SLC16A7: variants seen among roughly 807,000 people sequenced by gnomAD.
The protein encoded by SLC16A7 is solute carrier family 16 member 7, also known as monocarboxylate transporter 2.
In SLC16A7, 33 loss-of-function variants were observed where a neutral mutation model predicts 34.9. That is an observed-to-expected ratio of 0.94 (90% CI 0.72 to 1.26). SLC16A7 has a LOEUF of 1.26. Among genes scored for constraint, SLC16A7 ranks in the 50% most tolerant of loss-of-function variants. The pLI, the probability that SLC16A7 is intolerant of heterozygous loss-of-function variation, is 0.00. For missense variants in SLC16A7, 573 were observed against 578.1 expected (o/e 0.99, Z 0.09); for synonymous variants, 201 against 206.6 (o/e 0.97, Z 0.23).
intron 3 of SLC16A7, among the ~76,000 whole-genome samples, chr12:59,737,817 C>A (rs10877332): frequency 0.15 from 22,712 of 152,006 alleles, 1,999 homozygotes; most frequent in Non-Finnish European, 0.19. Context: ...TTTATCCTGT[C>A]AACTCTTATA....
chr12:59,719,421 C>T (rs1251675227), intron 3 of SLC16A7, among the ~76,000 whole-genome samples: 1 of 151,618 alleles, frequency 6.6e-6, no homozygotes, highest in Non-Finnish European at 1.5e-5. Flanking sequence ...AAAAATGGGG[C>T]CCAAGAGAAG....
chr12:59,755,622 G>T (rs1394777640), intron 3 of SLC16A7, among the ~76,000 whole-genome samples: 1 of 152,130 alleles, frequency 6.6e-6, no homozygotes, highest in Non-Finnish European at 1.5e-5. Context: ...CAAAGAAATG[G>T]AAGAACATTC....
chr12:59,614,529 A>G (rs1012310162), intron 1 of SLC16A7, among the ~76,000 whole-genome samples: 52 of 152,188 alleles, frequency 3.4e-4, no homozygotes, highest in African/African-American at 1.3e-3. Flanking sequence ...GAAAAATTAT[A>G]TATTCTTTGC....
chr12:59,676,122 T>C (rs1000245426), intron 2 of SLC16A7, among the ~76,000 whole-genome samples: 1 of 152,146 alleles, frequency 6.6e-6, no homozygotes, highest in Non-Finnish European at 1.5e-5. Flanking sequence ...GCTCCTGAAA[T>C]GATTAAGTCT....
At chr12:59,755,446 T>A (rs879670003) in intron 3 of SLC16A7, among the ~76,000 whole-genome samples, 2 of 152,164 alleles carry the variant, frequency 1.3e-5, no homozygotes, top group Admixed American at 6.5e-5. Context: ...TCACAAGCAT[T>A]CTTATATACC....
chr12:59,748,264 C>T (rs76385438), intron 3 of SLC16A7, among the ~76,000 whole-genome samples: 102 of 152,256 alleles, frequency 6.7e-4, no homozygotes, highest in Admixed American at 2.2e-3. Flanking sequence ...CCCTTACAGA[C>T]GCTACAGGCC....
intron 3 of SLC16A7, among the ~76,000 whole-genome samples, chr12:59,737,566 G>T (rs1877743989): frequency 6.6e-6 from 1 of 152,128 alleles, no homozygotes; most frequent in Non-Finnish European, 1.5e-5. Context: ...GCAATAAAAA[G>T]GGAGCTGACT....
chr12:59,641,531 A>T (rs1339109782), intron 1 of SLC16A7, among the ~76,000 whole-genome samples: 4 of 150,368 alleles, frequency 2.7e-5, no homozygotes, highest in African/African-American at 9.8e-5. Flanking sequence ...AATATATATG[A>T]TAATTGTGCA....
chr12:59,616,250 C>T (rs1240786738), intron 1 of SLC16A7, among the ~76,000 whole-genome samples: 1 of 152,100 alleles, frequency 6.6e-6, no homozygotes, highest in African/African-American at 2.4e-5. Flanking sequence ...GGGAAGCACC[C>T]TGACAGTACC....
intron 2 of SLC16A7, among the ~76,000 whole-genome samples, chr12:59,699,975 G>A (rs1872701768): frequency 1.3e-5 from 2 of 151,146 alleles, no homozygotes; most frequent in South Asian, 4.1e-4. Context: ...GTTTAAAATG[G>A]TCCCTAAGAG....
chr12:59,637,895 G>C (rs1880504972), intron 1 of SLC16A7, among the ~76,000 whole-genome samples: 1 of 152,058 alleles, frequency 6.6e-6, no homozygotes, highest in Non-Finnish European at 1.5e-5. Flanking sequence ...GTTCCCTCTT[G>C]CTCTTTCATG....
At chr12:59,732,711 T>C (rs1314885144) in intron 3 of SLC16A7, among the ~76,000 whole-genome samples, 2 of 152,212 alleles carry the variant, frequency 1.3e-5, no homozygotes, top group African/African-American at 4.8e-5. Context: ...AGAGTTGAAC[T>C]GACATTCCAT....
chr12:59,645,127 A>G (rs1436770935), intron 1 of SLC16A7, among the ~76,000 whole-genome samples: 1 of 152,150 alleles, frequency 6.6e-6, no homozygotes, highest in African/African-American at 2.4e-5. Flanking sequence ...GTCTTGAGGA[A>G]TAAATAGGAG....
intron 3 of SLC16A7, among the ~76,000 whole-genome samples, chr12:59,726,661 A>G (rs1876278628): frequency 6.6e-6 from 1 of 152,164 alleles, no homozygotes; most frequent in Admixed American, 6.6e-5. Flanking sequence ...TACAGAACCA[A>G]GGACCAGGAG....
chr12:59,726,721 G>A (rs1289615953), intron 3 of SLC16A7, among the ~76,000 whole-genome samples: 1 of 152,062 alleles, frequency 6.6e-6, no homozygotes, highest in Non-Finnish European at 1.5e-5. Context: ...AGAGATGCTG[G>A]CTGTGGTGTT....
At chr12:59,729,570 T>C (rs1166913117) in intron 3 of SLC16A7, among the ~76,000 whole-genome samples, 1 of 152,146 alleles carries the variant, frequency 6.6e-6, no homozygotes, top group Non-Finnish European at 1.5e-5. Flanking sequence ...TTATGGTTCA[T>C]CTTTCTCTAC....
chr12:59,711,665 T>G (rs1340895646), intron 3 of SLC16A7, among the ~76,000 whole-genome samples: 1 of 152,060 alleles, frequency 6.6e-6, no homozygotes, highest in East Asian at 1.9e-4. Context: ...ACTACAGAGG[T>G]GCACCACCAT....
chr12:59,679,214 G>A lies in SLC16A7; in HGVS notation c.-31+23964G>A, dbSNP rs945403188. On this transcript the variant is annotated intron_variant, in intron 2 of 5. Coordinates refer to ENST00000547379, the MANE Select transcript of SLC16A7 (RefSeq NM_001270623.2). ...AGCACCCAAGAGCACAGGGATGGCC[G>A]GGTCCCCAGCCATGGCTCAGTGGCC... Among the ~76,000 whole-genome samples the A allele has an allele frequency of 1.2e-4, 18 of 152,252 alleles. No individual in the cohort carries two copies. The South Asian group carries it at 1.4e-3, about 12-fold the overall frequency.
rs1018517957 is a variant in SLC16A7, at chr12:59,642,029, C to T, written c.-129-13123C>T. On this transcript the variant is annotated intron_variant, in intron 1 of 5. Transcript: ENST00000547379. ...TTATATAGTGTTACAAAAAAAGTAT[C>T]AATTTAAAAAATTATAATGCTAATT... Among the ~76,000 whole-genome samples the T allele has an allele frequency of 2.0e-5, 3 of 151,992 alleles. No individual in the cohort carries two copies. In the South Asian group the frequency reaches 6.2e-4, roughly 31 times the overall value.
Sources: allele counts gnomAD v4.1 joint callset (sites outside exome capture counted in the v4.1 genomes callset), GRCh38; gene constraint gnomAD v4.1.1; transcripts MANE v1.5; gene names NCBI Gene and HGNC (gene_info 2026-07-23, HGNC 2026-07-21).